The following PPP1R1C variants were observed in gnomAD, a reference collection of about 807,000 sequenced individuals.
PPP1R1C encodes the protein protein phosphatase 1 regulatory subunit 1C.
Under a neutral mutation model 17.4 loss-of-function variants are expected in PPP1R1C, and 15 were observed. The observed-to-expected ratio is 0.86, with a 90% CI of 0.58 to 1.33. PPP1R1C has a LOEUF of 1.33. Ranked by LOEUF, PPP1R1C falls within the 40% of genes most tolerant of loss-of-function variation. The probability of loss-of-function intolerance (pLI) is 0.00; values close to 1 mark genes in which losing one functional copy is unlikely to be tolerated. For missense variants in PPP1R1C, 143 were observed against 130.0 expected (o/e 1.10, Z -0.48); for synonymous variants, 35 against 43.1 (o/e 0.81, Z 0.73).
At chr2:182,062,737 C>T (rs2125197519) in intron 3 of PPP1R1C, among the ~76,000 whole-genome samples, 1 of 152,230 alleles carries the variant, frequency 6.6e-6, no homozygotes, top group South Asian at 2.1e-4. Context: ...AAAGAGGCCT[C>T]AAGCTCTATT....
chr2:182,027,946 G>A (rs1686674936), intron 2 of PPP1R1C, among the ~76,000 whole-genome samples: 1 of 131,046 alleles, frequency 7.6e-6, no homozygotes, highest in Non-Finnish European at 1.6e-5. Context: ...TTGGGAGAGT[G>A]TATGTGTCGA....
rs1246571970 is a variant in PPP1R1C, at chr2:181,962,055, C to T, written n.111+7421C>T. ...ATGCCGGCATTGTCCACAGTATTTG[C>T]GAAGATCTGAACCCTCAGGTCCTCG... On this transcript the variant is annotated intron_variant and non_coding_transcript_variant, in intron 1 of 5. Coordinates refer to the PPP1R1C transcript ENST00000464264. The surrounding 1 kb of genome is among the most constrained non-coding windows in gnomAD (Gnocchi z 6.0). 4.2e-6 allele frequency: 3 copies of T among 722,454 alleles called. No homozygotes were observed. The highest frequency in any genetic ancestry group is 3.5e-5 in the African/African-American group (2 of 57,668). The allele number at this position is 722,454 out of a possible 1,614,324, so 44.8% of individuals were successfully genotyped here. A position where few individuals can be genotyped will look rare whatever the true frequency, so the allele number is the denominator to read the frequency against.
chr2:182,006,201 G>C lies in PPP1R1C; in HGVS notation c.142+18302G>C, dbSNP rs1033532142. 3.3e-5 allele frequency among the ~76,000 whole-genome samples: 5 copies of C among 152,048 alleles called. No homozygotes were observed. The East Asian group carries it at 9.6e-4, about 29-fold the overall frequency. ...TAAAAGTCAATGAAAGAGAATTTGG[G>C]TTAATTTTATATTATTATCCATGAT... On this transcript the variant is annotated intron_variant, in intron 2 of 4. Transcript: ENST00000682840.
At chr2:182,053,613 G>T (rs1574413856) in intron 2 of PPP1R1C, among the ~76,000 whole-genome samples, 2 of 151,910 alleles carry the variant, frequency 1.3e-5, no homozygotes, top group African/African-American at 2.4e-5. Context: ...TACTTCCATG[G>T]TCTGGGCGTA....
At chr2:182,076,127 T>C (rs926094006) in intron 4 of PPP1R1C, among the ~76,000 whole-genome samples, 2 of 150,450 alleles carry the variant, frequency 1.3e-5, no homozygotes, top group African/African-American at 2.4e-5. Context: ...AGTCTGGATC[T>C]TTTAGAACAG....
chr2:182,104,231 C>T (rs1188002148), intron 4 of PPP1R1C, among the ~76,000 whole-genome samples: 1 of 152,142 alleles, frequency 6.6e-6, no homozygotes, highest in Admixed American at 6.5e-5. Flanking sequence ...CTAGGACTTC[C>T]AATACTATGT....
intron 4 of PPP1R1C, among the ~76,000 whole-genome samples, chr2:182,080,352 A>G (rs1283723878): frequency 2.6e-5 from 4 of 152,174 alleles, no homozygotes; most frequent in African/African-American, 9.7e-5. Flanking sequence ...ACTATCCCCC[A>G]TTTGCTCAGA....
intron 2 of PPP1R1C, among the ~76,000 whole-genome samples, chr2:182,020,359 G>A (rs942357420): frequency 2.0e-5 from 3 of 152,112 alleles, no homozygotes; most frequent in Non-Finnish European, 4.4e-5. Flanking sequence ...TGGAATTGGG[G>A]GTTAGAGAAT....
intron 4 of PPP1R1C, 58 bp downstream of exon 4, chr2:182,063,849 G>C: frequency 1.5e-6 from 2 of 1,312,530 alleles, no homozygotes; most frequent in Non-Finnish European, 2.2e-6. Flanking sequence ...CTGGTCGGCC[G>C]TCTGTTCTCT....
chr2:182,062,435 G>C (rs562446355), intron 3 of PPP1R1C, among the ~76,000 whole-genome samples: 2 of 152,114 alleles, frequency 1.3e-5, no homozygotes, highest in Admixed American at 6.5e-5. Flanking sequence ...TCCCTAAACT[G>C]ATTCGTTCTC....
chr2:182,116,468 T>C (rs1273304530), intron 4 of PPP1R1C, among the ~76,000 whole-genome samples: 3 of 151,970 alleles, frequency 2.0e-5, no homozygotes, highest in Admixed American at 6.6e-5. Flanking sequence ...CATGTGTGTG[T>C]GTAGGATGAA....
chr2:182,015,357 TA>T (rs1220544614), intron 2 of PPP1R1C, among the ~76,000 whole-genome samples: 1 of 152,210 alleles, frequency 6.6e-6, no homozygotes, highest in Non-Finnish European at 1.5e-5. Flanking sequence ...CCTTCTGCCA[TA>T]ATTGTGAGGC....
intron 4 of PPP1R1C, among the ~76,000 whole-genome samples, chr2:182,071,036 C>G (rs1156288751): frequency 6.6e-6 from 1 of 152,162 alleles, no homozygotes; most frequent in Non-Finnish European, 1.5e-5. Flanking sequence ...CCACCAAGCC[C>G]CACCTCCAAC....
chr2:181,997,228 C>CAA (rs61015359), intron 2 of PPP1R1C, among the ~76,000 whole-genome samples: 6 of 102,824 alleles, frequency 5.8e-5, no homozygotes, highest in East Asian at 6.3e-4. Context: ...GACTCCGTCT[C>CAA]AAAAAAAAAA....
At chr2:182,022,017 C>T (rs1287125362) in intron 2 of PPP1R1C, among the ~76,000 whole-genome samples, 1 of 152,176 alleles carries the variant, frequency 6.6e-6, no homozygotes, top group Non-Finnish European at 1.5e-5. Context: ...TTCTAAAATG[C>T]ATTGGCAATG....
chr2:182,017,733 CA>C (rs1170760676), intron 2 of PPP1R1C, among the ~76,000 whole-genome samples: 1 of 152,004 alleles, frequency 6.6e-6, no homozygotes, highest in African/African-American at 2.4e-5. Flanking sequence ...CTATATTTGT[CA>C]AAATACATTC....
chr2:182,019,827 C>T (rs1686364809), intron 2 of PPP1R1C, among the ~76,000 whole-genome samples: 1 of 152,152 alleles, frequency 6.6e-6, no homozygotes, highest in South Asian at 2.1e-4. Flanking sequence ...AGAAGTTTAT[C>T]AAATCAGCAA....
chr2:181,977,132 T>TAAAAAAAAA lies in PPP1R1C; in HGVS notation n.157+1901_157+1909dup, dbSNP rs67129466. ...CTGGGCAACAGAGTGAGAATCTATC[T>TAAAAAAAAA]AAAAAAAAAAAAAAAAAAAAAAAAA... On this transcript the variant is annotated intron_variant and non_coding_transcript_variant, in intron 2 of 5. Coordinates refer to the PPP1R1C transcript ENST00000464264. Among the ~76,000 whole-genome samples, 16 of 19,850 alleles carry TAAAAAAAAA rather than the reference T, an allele frequency of 8.1e-4. 4 individuals carry two copies. Among genetic ancestry groups the TAAAAAAAAA allele is most frequent in the Non-Finnish European group, 8.2e-4 (7 of 8,572 alleles). The allele number at this position is 19,850 out of a possible 152,430, so 13.0% of individuals were successfully genotyped here.
chr2:182,126,185 G>GT (rs1220495134), intron 5 of PPP1R1C, among the ~76,000 whole-genome samples: 1 of 151,712 alleles, frequency 6.6e-6, no homozygotes. Flanking sequence ...GTCTTTATAT[G>GT]TTTTTTTGGC....
Sources: allele counts gnomAD v4.1 joint callset (sites outside exome capture counted in the v4.1 genomes callset), GRCh38; gene constraint gnomAD v4.1.1; non-coding constraint Gnocchi (gnomAD v3.1); transcripts MANE v1.5; gene names NCBI Gene and HGNC (gene_info 2026-07-23, HGNC 2026-07-21).